The following MYO16 variants were observed in gnomAD, a reference collection of about 807,000 sequenced individuals.
The protein encoded by MYO16 is myosin XVI.
Under a neutral mutation model 205.3 loss-of-function variants are expected in MYO16, and 94 were observed. That is an observed-to-expected ratio of 0.46 (90% CI 0.39 to 0.54). The LOEUF (loss-of-function observed/expected upper bound fraction) is 0.54. MYO16 is among the 20% of genes least tolerant of loss of function. MYO16 has a pLI of 0.00. For missense variants in MYO16, 2,315 were observed against 2,387.5 expected, an observed-to-expected ratio of 0.97 and a Z score of 0.63; for synonymous variants, 988 against 954.0, an observed-to-expected ratio of 1.04 and a Z score of -0.66.
At chr13:108,695,334 A>T (rs982551114) in intron 2 of MYO16, among the ~76,000 whole-genome samples, 63 of 152,124 alleles carry the variant, frequency 4.1e-4, no homozygotes, top group Non-Finnish European at 1.0e-4. Flanking sequence ...TTGAACATTG[A>T]TGTATGGGTG....
intron 23 of MYO16, among the ~76,000 whole-genome samples, chr13:109,031,534 G>A (rs1886547948): frequency 6.6e-6 from 1 of 152,102 alleles, no homozygotes; most frequent in Non-Finnish European, 1.5e-5. Flanking sequence ...GGGCATAAAT[G>A]ATACCTTTTA....
the MYO16 span, among the ~76,000 whole-genome samples, chr13:108,538,340 A>C: frequency 1.3e-5 from 2 of 152,106 alleles, no homozygotes; most frequent in Non-Finnish European, 2.9e-5. Flanking sequence ...GAGGAAGTAT[A>C]ATATCGTGAG....
At chr13:108,849,661 G>T (rs182933379) in intron 10 of MYO16, among the ~76,000 whole-genome samples, 1,393 of 112,204 alleles carry the variant, frequency 0.012, 53 homozygotes, top group African/African-American at 0.045. Flanking sequence ...GTGTGTGTGT[G>T]TGTGTAACTT....
Position 108,772,551 on chromosome 13 carries a change from C to T in MYO16, c.508-13084C>T, listed in dbSNP as rs945325862. 7.9e-5 allele frequency among the ~76,000 whole-genome samples: 12 copies of T among 151,674 alleles called. No individual in the cohort carries two copies. The East Asian group carries it at 2.3e-3, about 30-fold the overall frequency. The stretch of plus-strand genomic sequence containing the variant: ...GAAGGAGACTAAAGAGAAAGGACCT[C>T]AAATGCAATGGGTGATCCTGAATTA... On this transcript the variant is annotated intron_variant, in intron 4 of 34. Transcript: ENST00000457511.
chr13:108,694,233 A>G (rs1028507991), intron 2 of MYO16, among the ~76,000 whole-genome samples: 1 of 152,146 alleles, frequency 6.6e-6, no homozygotes, highest in African/African-American at 2.4e-5. Context: ...TAATAGCCAT[A>G]CTGAGTGGTG....
chr13:108,745,281 T>G (rs1406781634), intron 4 of MYO16, among the ~76,000 whole-genome samples: 1 of 152,110 alleles, frequency 6.6e-6, no homozygotes, highest in African/African-American at 2.4e-5. Flanking sequence ...CAGACTAGTA[T>G]GGAGTGAGGA....
At chr13:109,051,177 C>T (rs1887234674) in intron 24 of MYO16, among the ~76,000 whole-genome samples, 1 of 152,174 alleles carries the variant, frequency 6.6e-6, no homozygotes, top group East Asian at 1.9e-4. Context: ...ATCCCAACAT[C>T]ACAGGGCCCC....
intron 33 of MYO16, among the ~76,000 whole-genome samples, chr13:109,170,916 A>C (rs1878898753): frequency 6.6e-6 from 1 of 152,246 alleles, no homozygotes; most frequent in African/African-American, 2.4e-5. Context: ...TTTTAAAATA[A>C]AGTTGGTTCT....
chr13:108,658,426 T>TTGTG (rs145187326), intron 1 of MYO16, among the ~76,000 whole-genome samples: 20,681 of 145,118 alleles, frequency 0.14, 1,534 homozygotes, highest in Non-Finnish European at 0.18. Flanking sequence ...TGTTTCAACT[T>TTGTG]TGTGTGTGTG....
At chr13:108,505,313 A>G in the MYO16 span, among the ~76,000 whole-genome samples, 3 of 152,328 alleles carry the variant, frequency 2.0e-5, no homozygotes, top group African/African-American at 7.2e-5. Flanking sequence ...TATCCTCACC[A>G]GCACTTGTTA....
Position 108,753,243 on chromosome 13 carries a change from G to A in MYO16, c.507+25660G>A, listed in dbSNP as rs991128718. On this transcript the variant is annotated intron_variant, in intron 4 of 34. Transcript: ENST00000457511. ...AAATTAGCCGGGTGTGTTGGCGGGC[G>A]CCTGTAATCCCAGCGACTTGGGAGG... Among the ~76,000 whole-genome samples, 15 of 151,588 alleles carry A rather than the reference G, an allele frequency of 9.9e-5. No homozygotes were observed. In the East Asian group the frequency reaches 1.8e-3, roughly 18 times the overall value.
intron 4 of MYO16, among the ~76,000 whole-genome samples, chr13:108,740,274 C>T (rs535168538): frequency 8.7e-5 from 13 of 150,270 alleles, no homozygotes; most frequent in African/African-American, 3.2e-4. Flanking sequence ...TTTTGTCTAC[C>T]TTTGGTCTTT....
intron 27 of MYO16, among the ~76,000 whole-genome samples, chr13:109,073,205 G>A (rs766628376): frequency 2.0e-5 from 3 of 151,148 alleles, no homozygotes; most frequent in Non-Finnish European, 4.4e-5. Flanking sequence ...GGGTTCAAGC[G>A]ATTCTCCTGC....
chr13:108,865,108 A>G (rs1005711190), intron 11 of MYO16, among the ~76,000 whole-genome samples: 1 of 152,194 alleles, frequency 6.6e-6, no homozygotes, highest in Non-Finnish European at 1.5e-5. Context: ...GTAATAGAAC[A>G]TACTCTGTGT....
chr13:108,726,104 A>G (rs195245), intron 3 of MYO16, among the ~76,000 whole-genome samples: 151,285 of 152,280 alleles, frequency 0.99, 75,157 homozygotes, highest in Middle Eastern at 1. Context: ...ATATTGATTG[A>G]CATTCCTTTG....
At chr13:108,954,054 C>T (rs1883255753) in intron 16 of MYO16, among the ~76,000 whole-genome samples, 1 of 152,130 alleles carries the variant, frequency 6.6e-6, no homozygotes, top group African/African-American at 2.4e-5. Flanking sequence ...CACAGGGCTT[C>T]GTCTACCCAG....
intron 17 of MYO16, among the ~76,000 whole-genome samples, chr13:108,959,881 G>A (rs1012710856): frequency 2.6e-5 from 4 of 151,944 alleles, no homozygotes; most frequent in South Asian, 2.1e-4. Context: ...TAAATTGTGA[G>A]GTTCTTGAGG....
intron 4 of MYO16, among the ~76,000 whole-genome samples, chr13:108,740,571 A>G (rs1400400284): frequency 6.6e-6 from 1 of 152,014 alleles, no homozygotes; most frequent in African/African-American, 2.4e-5. Flanking sequence ...CAGTTAGGCT[A>G]CTCGAGGGTC....
At position 109,127,298 on chromosome 13, in the gene MYO16, G is replaced by C. The variant is rs145928078; in HGVS notation, c.3799G>C (p.Gly1267Arg). The change falls in exon 31 of 35, where the codon GGA (glycine) becomes CGA (arginine). Residue 1267 changes from glycine (G) to arginine (R), a missense_variant. By Grantham distance (125) the Gly-to-Arg change is moderately radical. This residue lies in a region of MYO16 where 1,097 missense variants were observed against 1,092.0 expected (regional missense o/e 1.00). Coordinates refer to ENST00000457511, the MANE Select transcript of MYO16 (RefSeq NM_001198950.3). The surrounding 1 kb of genome is among the most constrained non-coding windows in gnomAD (Gnocchi z 4.2). Reference protein sequence around the residue: ...EGSKRTDDKSGPRHFHPSSMS... With the variant: ...EGSKRTDDKSRPRHFHPSSMS... ...CCCCCTAAGAACCGATGACAAGAGT[G>C]GACCCAGGCATTTCCACCCCAGCTC... 2.3e-4 allele frequency: 360 copies of C among 1,592,038 alleles called. 1 individual carries two copies. Among genetic ancestry groups the C allele is most frequent in the Non-Finnish European group, 2.7e-4 (317 of 1,164,572 alleles).
Sources: allele counts gnomAD v4.1 joint callset (sites outside exome capture counted in the v4.1 genomes callset), GRCh38; gene constraint gnomAD v4.1.1; regional missense constraint gnomAD v4.1.1; non-coding constraint Gnocchi (gnomAD v3.1); transcripts MANE v1.5; gene names NCBI Gene and HGNC (gene_info 2026-07-23, HGNC 2026-07-21).